Variants in ARHGAP42 observed in about 807,000 individuals in gnomAD.
ARHGAP42 encodes Rho GTPase activating protein 42.
In ARHGAP42, 63 loss-of-function variants were observed where a neutral mutation model predicts 125.0. That is an observed-to-expected ratio of 0.50 (90% CI 0.41 to 0.62). The LOEUF (loss-of-function observed/expected upper bound fraction) is 0.62. Among genes scored for constraint, ARHGAP42 ranks in the 20% least tolerant of loss-of-function variants. The probability of loss-of-function intolerance (pLI) is 0.00; values close to 1 mark genes in which losing one functional copy is unlikely to be tolerated. For missense variants in ARHGAP42, 766 were observed against 1,024.2 expected, an observed-to-expected ratio of 0.75 and a Z score of 3.44; for synonymous variants, 339 against 351.0, an observed-to-expected ratio of 0.97 and a Z score of 0.38.
intron 3 of ARHGAP42, among the ~76,000 whole-genome samples, chr11:100,846,648 CAT>C (rs1206177913): frequency 1.3e-5 from 2 of 152,070 alleles, no homozygotes; most frequent in Non-Finnish European, 2.9e-5. Context: ...CAAAAATACT[CAT>C]AATCTGGATG....
In ARHGAP42 at chr11:100,807,269, C is replaced by T. The variant is rs899957920; in HGVS notation, c.312+12103C>T. Among the ~76,000 whole-genome samples, 5 of 151,988 alleles carry T rather than the reference C, an allele frequency of 3.3e-5. No individual in the cohort carries two copies. The East Asian group carries it at 9.7e-4, about 29-fold the overall frequency. On this transcript the variant is annotated intron_variant, in intron 3 of 23. Coordinates refer to ENST00000298815, the MANE Select transcript of ARHGAP42 (RefSeq NM_152432.4). ...GGAGTGCAATGGCACGATCTCGGCT[C>T]ACTGCAACTTCCGCCCCCCAGGTTC...
intron 3 of ARHGAP42, among the ~76,000 whole-genome samples, chr11:100,819,432 A>C (rs894723334): frequency 1.3e-5 from 2 of 152,102 alleles, no homozygotes; most frequent in African/African-American, 4.8e-5. Context: ...GAGGAGGATG[A>C]GGTTTATAGG....
At chr11:100,968,671 C>T (rs1320778835) in intron 17 of ARHGAP42, among the ~76,000 whole-genome samples, 1 of 151,942 alleles carries the variant, frequency 6.6e-6, no homozygotes, top group Non-Finnish European at 1.5e-5. Context: ...TCTTACTTAC[C>T]ATTTTTTAAC....
chr11:100,965,002 C>T lies in ARHGAP42; in HGVS notation c.1445-669C>T, dbSNP rs552617399. 6.2e-4 allele frequency among the ~76,000 whole-genome samples: 94 copies of T among 152,214 alleles called. 1 individual carries two copies. The East Asian group carries it at 0.017, about 27-fold the overall frequency. On this transcript the variant is annotated intron_variant, in intron 16 of 23. Coordinates refer to ENST00000298815, the MANE Select transcript of ARHGAP42 (RefSeq NM_152432.4). ...TTAATTGACTCACAGTTCCGCAGGG[C>T]TGGGAAGGACTCGGGAAACTTACAA...
chr11:100,974,957 C>G (rs1858350233), intron 19 of ARHGAP42, among the ~76,000 whole-genome samples: 1 of 152,062 alleles, frequency 6.6e-6, no homozygotes, highest in Non-Finnish European at 1.5e-5. Context: ...TCCTTCCTTT[C>G]ACATTATGTT....
chr11:100,951,565 A>G (rs1384836080), intron 12 of ARHGAP42, among the ~76,000 whole-genome samples: 1 of 152,170 alleles, frequency 6.6e-6, no homozygotes, highest in African/African-American at 2.4e-5. Flanking sequence ...TTGCACCTAT[A>G]TACAGTGTTG....
At chr11:100,737,613 G>A (rs964188443) in intron 1 of ARHGAP42, among the ~76,000 whole-genome samples, 27 of 152,152 alleles carry the variant, frequency 1.8e-4, no homozygotes, top group Non-Finnish European at 4.4e-5. Flanking sequence ...CCATGAGATA[G>A]AGGTGTCTTG....
chr11:100,912,559 T>C lies in ARHGAP42; in HGVS notation c.385-893T>C, dbSNP rs556215851. On this transcript the variant is annotated intron_variant, in intron 4 of 23. Coordinates refer to ENST00000298815, the MANE Select transcript of ARHGAP42 (RefSeq NM_152432.4). ...CTTCTTTGGCCAATGAAATTTATGA[T>C]TGTAGTTACTTAGTATTTGTTTCAT... Among the ~76,000 whole-genome samples the C allele has an allele frequency of 2.4e-4, 37 of 152,294 alleles. No individual in the cohort carries two copies. The Middle Eastern group carries it at 0.01, about 42-fold the overall frequency.
chr11:100,964,020 A>G (rs993931636), intron 16 of ARHGAP42, among the ~76,000 whole-genome samples: 1 of 151,770 alleles, frequency 6.6e-6, no homozygotes, highest in Admixed American at 6.6e-5. Flanking sequence ...ATTCATGACT[A>G]TGATATTTAA....
intron 3 of ARHGAP42, among the ~76,000 whole-genome samples, chr11:100,825,637 G>A (rs1158626484): frequency 6.6e-6 from 1 of 152,148 alleles, no homozygotes; most frequent in East Asian, 1.9e-4. Context: ...GGCTGTATGT[G>A]CAGTTTTCTG....
At chr11:100,772,984 A>T (rs916686829) in intron 2 of ARHGAP42, among the ~76,000 whole-genome samples, 4 of 152,210 alleles carry the variant, frequency 2.6e-5, no homozygotes, top group African/African-American at 7.2e-5. Context: ...TTATAGGCGT[A>T]TGCCACCATG....
chr11:100,927,651 T>C (rs531700064), intron 6 of ARHGAP42, among the ~76,000 whole-genome samples: 2 of 152,324 alleles, frequency 1.3e-5, no homozygotes, highest in East Asian at 1.9e-4. Context: ...TCTATTACAA[T>C]TGAGCTGTAA....
At chr11:100,715,316 G>C (rs962454158) in intron 1 of ARHGAP42, among the ~76,000 whole-genome samples, 1 of 151,830 alleles carries the variant, frequency 6.6e-6, no homozygotes, top group African/African-American at 2.4e-5. Context: ...CTTTGTCCTT[G>C]TCCTTTGTAG....
intron 3 of ARHGAP42, among the ~76,000 whole-genome samples, chr11:100,801,349 T>TTA (rs546379752): frequency 3.5e-4 from 53 of 152,212 alleles, no homozygotes; most frequent in African/African-American, 1.3e-3. Context: ...ATCATGAGTA[T>TTA]TATATATATA....
At chr11:100,886,121 G>A (rs1019872244) in intron 4 of ARHGAP42, among the ~76,000 whole-genome samples, 18 of 152,170 alleles carry the variant, frequency 1.2e-4, no homozygotes, top group African/African-American at 4.3e-4. Context: ...CCTTGGGCAA[G>A]TCAACATCAG....
rs1051043353 is a variant in ARHGAP42, at chr11:100,990,380, C to T, written c.*1579C>T. The T allele has an allele frequency of 2.0e-5, 3 of 152,076 alleles. No individual in the cohort carries two copies. The highest frequency in any genetic ancestry group is 7.2e-5 in the African/African-American group (3 of 41,406). 9.4% of individuals were successfully genotyped at this position (152,076 alleles called of 1,614,324 possible). Reference sequence around the variant, plus strand: ...GTTTCTAGAATTAATAGGTTAAATACACATACACACACACAACTATGCCTC... The same window carrying T: ...GTTTCTAGAATTAATAGGTTAAATATACATACACACACACAACTATGCCTC... On this transcript the variant is annotated 3_prime_UTR_variant, in exon 24 of 24. Transcript: ENST00000298815.
chr11:100,924,326 T>C (rs1867360679), intron 6 of ARHGAP42, among the ~76,000 whole-genome samples: 1 of 152,110 alleles, frequency 6.6e-6, no homozygotes, highest in Non-Finnish European at 1.5e-5. Context: ...TATCAAGATC[T>C]TACTGCTTGT....
intron 4 of ARHGAP42, among the ~76,000 whole-genome samples, chr11:100,889,816 C>T (rs1243532471): frequency 1.3e-5 from 2 of 152,144 alleles, no homozygotes; most frequent in Admixed American, 6.6e-5. Flanking sequence ...CTCATGGGCT[C>T]GTGCTGGTTT....
rs35175302 is a variant in ARHGAP42 at position 100,796,768 on chromosome 11, CTT to C, written c.312+1620_312+1621del. Reference sequence around the variant, plus strand: ...AACAAGTCCCTAACTCTTTTTAATTCTTTTTTTTTTTTTTTTTTTCAGACAGA... The same window carrying C: ...AACAAGTCCCTAACTCTTTTTAATTCTTTTTTTTTTTTTTTTTCAGACAGA... On this transcript the variant is annotated intron_variant, in intron 3 of 23. Transcript: ENST00000298815. Among the ~76,000 whole-genome samples, 782 of 118,940 alleles carry C rather than the reference CTT, an allele frequency of 6.6e-3. 6 individuals are homozygous for C. Among genetic ancestry groups the C allele is most frequent in the African/African-American group, 0.019 (614 of 32,212 alleles). The allele number at this position is 118,940 out of a possible 152,430, so 78.0% of individuals were successfully genotyped here.
Sources: gnomAD v4.1 joint callset for allele counts (sites outside exome capture counted in the v4.1 genomes callset) on GRCh38, gnomAD v4.1.1 for gene constraint, MANE v1.5 for transcripts, NCBI Gene and HGNC (gene_info 2026-07-23, HGNC 2026-07-21) for gene names.